Variants in TUBB6 observed in about 807,000 individuals in gnomAD.
The protein encoded by TUBB6 is tubulin beta-6 chain.
Under a neutral mutation model 32.3 loss-of-function variants are expected in TUBB6, and 18 were observed. The observed-to-expected ratio is 0.56, with a 90% confidence interval of 0.39 to 0.83. The LOEUF is 0.83. Among genes scored for constraint, TUBB6 ranks in the 40% least tolerant of loss-of-function variants. The probability of loss-of-function intolerance (pLI) is 0.00; values close to 1 mark genes in which losing one functional copy is unlikely to be tolerated. For missense variants in TUBB6, 480 were observed against 632.0 expected (o/e 0.76, Z 2.58); for synonymous variants, 280 against 265.8 (o/e 1.05, Z -0.52).
intron 3 of TUBB6, among the ~76,000 whole-genome samples, chr18:12,319,158 T>TG (rs1906840633): frequency 7.1e-6 from 1 of 140,458 alleles, no homozygotes; most frequent in African/African-American, 2.6e-5. Flanking sequence ...TCTTTTTTTT[T>TG]TTGAGACGGA....
chr18:12,324,666 G>C (rs1907174345), intron 3 of TUBB6: 2 of 631,680 alleles, frequency 3.2e-6, no homozygotes, highest in Middle Eastern at 4.8e-4. Context: ...GCCCAGGCTG[G>C]TCTCTAACTC....
In TUBB6 at chr18:12,308,264, C is replaced by T. The variant is rs1163132628; in HGVS notation, c.-29C>T. 5 of 1,416,190 alleles carry T rather than the reference C, an allele frequency of 3.5e-6. No homozygotes were observed. In the South Asian group the frequency reaches 4.3e-5, roughly 12 times the overall value. The allele number at this position is 1,416,190 out of a possible 1,614,324, so 87.7% of individuals were successfully genotyped here. A position where few individuals can be genotyped will look rare whatever the true frequency, so the allele number is the denominator to read the frequency against. ...GCAGTTGCCGCTGTCGTCCGCAGAGCCAGTTCCTAGCGCAGAGCCGCGCCC... is the reference window on the plus strand; with the variant it reads ...GCAGTTGCCGCTGTCGTCCGCAGAGTCAGTTCCTAGCGCAGAGCCGCGCCC... On this transcript the variant is annotated 5_prime_UTR_variant, in exon 1 of 4. Transcript: ENST00000317702.
upstream of TUBB6, chr18:12,308,181 G>T: frequency 2.6e-5 from 18 of 698,386 alleles, no homozygotes; most frequent in Non-Finnish European, 3.2e-5. Flanking sequence ...CCATTGGCGA[G>T]CGGCGGGGCG....
downstream of TUBB6, chr18:12,329,193 G>A (rs1051466041): frequency 1.0e-5 from 7 of 702,926 alleles, no homozygotes; most frequent in East Asian, 5.4e-5. Flanking sequence ...AAGAGTGGGC[G>A]ACAAAGAGAA....
intron 2 of TUBB6, 144 bp downstream of exon 2, chr18:12,308,939 G>T (rs1339516442): frequency 3.1e-6 from 2 of 635,906 alleles, no homozygotes; most frequent in South Asian, 3.6e-5. Flanking sequence ...CTCCTCCGGG[G>T]CGGGAAATCC....
chr18:12,327,291 C>A (rs1457421162), downstream of TUBB6, among the ~76,000 whole-genome samples: 1 of 152,224 alleles, frequency 6.6e-6, no homozygotes, highest in East Asian at 1.9e-4. Context: ...CCATCCTGGG[C>A]AGAGCCCACT....
chr18:12,314,468 C>G (rs985668141), intron 3 of TUBB6, among the ~76,000 whole-genome samples: 1 of 152,064 alleles, frequency 6.6e-6, no homozygotes, highest in African/African-American at 2.4e-5. Context: ...GTATTTCCAA[C>G]TAATACACCT....
chr18:12,318,490 G>A (rs1178915098), intron 3 of TUBB6, among the ~76,000 whole-genome samples: 1 of 151,320 alleles, frequency 6.6e-6, no homozygotes, highest in Non-Finnish European at 1.5e-5. Context: ...GGCCCACGGG[G>A]TGTGCTGCAA....
At chr18:12,310,100 G>A (rs1327927917) in intron 2 of TUBB6, among the ~76,000 whole-genome samples, 2 of 152,158 alleles carry the variant, frequency 1.3e-5, no homozygotes, top group African/African-American at 4.8e-5. Flanking sequence ...TTCTCATCCT[G>A]CCTCTTCCTG....
intron 3 of TUBB6, among the ~76,000 whole-genome samples, chr18:12,319,910 C>T (rs367783091): frequency 1.8e-3 from 280 of 151,922 alleles, no homozygotes; most frequent in African/African-American, 5.7e-3. Flanking sequence ...CCTCAGCCTC[C>T]GGAGTAGCTG....
chr18:12,316,324 C>T (rs2144143220), intron 3 of TUBB6, among the ~76,000 whole-genome samples: 1 of 152,324 alleles, frequency 6.6e-6, no homozygotes, highest in East Asian at 1.9e-4. Context: ...TAGCTGTTGA[C>T]AAATGGGATC....
At chr18:12,309,178 C>T (rs1906204476) in intron 2 of TUBB6, among the ~76,000 whole-genome samples, 3 of 146,030 alleles carry the variant, frequency 2.1e-5, no homozygotes, top group South Asian at 2.3e-4. Context: ...TAGGAGACCA[C>T]CCCCCGCCCC....
At chr18:12,326,790 A>G (rs1432077833), downstream of TUBB6, among the ~76,000 whole-genome samples, 1 of 152,180 alleles carries the variant, frequency 6.6e-6, no homozygotes, top group Non-Finnish European at 1.5e-5. Flanking sequence ...CTCCATCCGC[A>G]GCCACCTTTT....
chr18:12,308,955 C>T (rs916257080), intron 2 of TUBB6, among the ~76,000 whole-genome samples, 160 bp downstream of exon 2: 1 of 152,222 alleles, frequency 6.6e-6, no homozygotes, highest in African/African-American at 2.4e-5. Context: ...AATCCGCCGT[C>T]AGTTTATTCA....
intron 3 of TUBB6, among the ~76,000 whole-genome samples, chr18:12,315,939 C>T (rs1385973275): frequency 6.6e-6 from 1 of 152,128 alleles, no homozygotes; most frequent in African/African-American, 2.4e-5. Flanking sequence ...CATGCCTTAA[C>T]TCTGTCAAAA....
At position 12,326,319 on chromosome 18, in the gene TUBB6, T is replaced by C; in HGVS notation, c.*189T>C. The C allele has an allele frequency of 1.2e-6, 1 of 867,008 alleles. No homozygotes were observed. Among genetic ancestry groups the C allele is most frequent in the Non-Finnish European group, 1.7e-6 (1 of 589,012 alleles). 53.7% of individuals were successfully genotyped at this position (867,008 alleles called of 1,614,324 possible). On this transcript the variant is annotated 3_prime_UTR_variant, in exon 4 of 4. Coordinates refer to ENST00000317702, the MANE Select transcript of TUBB6 (RefSeq NM_032525.3). ...ACTAAAAACAGCAGAGAATTGCGGG[T>C]TCTACCCAGTCAGAAGATCACACCA...
chr18:12,320,756 G>A (rs1201800429), intron 3 of TUBB6: 3 of 152,170 alleles, frequency 2.0e-5, no homozygotes, highest in African/African-American at 7.2e-5. Context: ...TATTTGGGTT[G>A]TTCCCCTTTT....
chr18:12,323,926 G>T (rs1215944110), intron 3 of TUBB6, among the ~76,000 whole-genome samples: 4 of 152,158 alleles, frequency 2.6e-5, no homozygotes, highest in Non-Finnish European at 4.4e-5. Flanking sequence ...AACTGGCCTG[G>T]AAACAATTTG....
intron 3 of TUBB6, among the ~76,000 whole-genome samples, chr18:12,321,343 C>G (rs892723278): frequency 4.6e-5 from 7 of 152,162 alleles, no homozygotes; most frequent in African/African-American, 1.2e-4. Flanking sequence ...TTCATCCCCC[C>G]CAAGAGTAGA....
Sources: gnomAD v4.1 joint callset for allele counts (sites outside exome capture counted in the v4.1 genomes callset) on GRCh38, gnomAD v4.1.1 for gene constraint, MANE v1.5 for transcripts, NCBI Gene and HGNC (gene_info 2026-07-23, HGNC 2026-07-21) for gene names.